The following TSPAN8 variants were observed in gnomAD, a reference collection of about 807,000 sequenced individuals.
The protein encoded by TSPAN8 is tetraspanin 8.
In TSPAN8, 21 loss-of-function variants were observed where a neutral mutation model predicts 32.8. The ratio of observed to expected loss-of-function variants is 0.64; its 90% confidence interval spans 0.45 to 0.92. The LOEUF (loss-of-function observed/expected upper bound fraction) is 0.92, where lower values mean the gene tolerates loss of function less well. Among genes scored for constraint, TSPAN8 ranks in the 40% least tolerant of loss-of-function variants. The pLI is 0.00. For synonymous variants in TSPAN8, 95 were observed against 94.6 expected (o/e 1.00, Z -0.03); for missense variants, 269 against 281.9 (o/e 0.95, Z 0.33).
At chr12:71,143,655 C>T (rs1359846394) in intron 3 of TSPAN8, among the ~76,000 whole-genome samples, 1 of 152,150 alleles carries the variant, frequency 6.6e-6, no homozygotes, top group Non-Finnish European at 1.5e-5. Context: ...TAACAAGTAC[C>T]CTTGTACCTT....
In TSPAN8 at chr12:71,126,614, C is replaced by T. The variant is rs189421653; in HGVS notation, c.661-1227G>A. 4.0e-4 allele frequency among the ~76,000 whole-genome samples: 61 copies of T among 152,116 alleles called. 1 individual carries two copies. Among genetic ancestry groups the T allele is most frequent in the Admixed American group, 3.0e-3 (46 of 15,268 alleles). On this transcript the variant is annotated intron_variant, in intron 8 of 8. Coordinates refer to ENST00000247829, the MANE Select transcript of TSPAN8 (RefSeq NM_004616.3). ...AAGAGATTTGTCATTTTATAATGTA[C>T]GCCAAGACTCATGATAAATTTGCTA...
chr12:71,144,875 T>C (rs1272231290), intron 2 of TSPAN8, among the ~76,000 whole-genome samples: 1 of 152,198 alleles, frequency 6.6e-6, no homozygotes, highest in Non-Finnish European at 1.5e-5. Flanking sequence ...TACCAGATTA[T>C]TTAATTTGGA....
intron 4 of TSPAN8, 141 bp downstream of exon 4, chr12:71,139,570 C>T (rs746672552): frequency 3.0e-5 from 36 of 1,189,810 alleles, no homozygotes; most frequent in Non-Finnish European, 4.2e-5. Context: ...GCCATATCAG[C>T]TTCCACAATC....
At chr12:71,145,995 A>G (rs2137057188) in intron 2 of TSPAN8, among the ~76,000 whole-genome samples, 1 of 152,268 alleles carries the variant, frequency 6.6e-6, no homozygotes, top group Admixed American at 6.5e-5. Flanking sequence ...GTGTATCACT[A>G]TTCACTTTTT....
intron 6 of TSPAN8, among the ~76,000 whole-genome samples, chr12:71,137,058 G>T (rs1209289240): frequency 6.6e-6 from 1 of 152,094 alleles, no homozygotes; most frequent in Non-Finnish European, 1.5e-5. Context: ...ATCACTTGAG[G>T]TCAGGAATTT....
intron 6 of TSPAN8, among the ~76,000 whole-genome samples, chr12:71,135,184 A>G (rs1258995339): frequency 6.7e-6 from 1 of 148,444 alleles, no homozygotes; most frequent in Non-Finnish European, 1.5e-5. Flanking sequence ...AGCATAGTGG[A>G]GATGGAGGAG....
At chr12:71,154,324 A>G (rs1382074488) in intron 2 of TSPAN8, among the ~76,000 whole-genome samples, 1 of 146,312 alleles carries the variant, frequency 6.8e-6, no homozygotes. Context: ...TAATAATAAT[A>G]ATAATAATAA....
chr12:71,150,246 C>T (rs1872209210), intron 2 of TSPAN8, among the ~76,000 whole-genome samples: 1 of 152,196 alleles, frequency 6.6e-6, no homozygotes, highest in African/African-American at 2.4e-5. Flanking sequence ...AACACAGACC[C>T]TTATCAGTAA....
intron 2 of TSPAN8, among the ~76,000 whole-genome samples, chr12:71,154,311 A>AAATAATAATAAT (rs58976021): frequency 2.9e-5 from 4 of 137,232 alleles, no homozygotes; most frequent in Non-Finnish European, 4.7e-5. Context: ...CTCTGTCTCA[A>AAATAATAATAAT]AATAATAATA....
intron 2 of TSPAN8, among the ~76,000 whole-genome samples, chr12:71,145,424 A>G (rs1324158115): frequency 6.6e-6 from 1 of 152,122 alleles, no homozygotes; most frequent in Non-Finnish European, 1.5e-5. Flanking sequence ...CAGCTCCTAC[A>G]AAATAACTAA....
intron 4 of TSPAN8, 143 bp downstream of exon 4, chr12:71,139,568 A>G (rs75998666): frequency 0.028 from 32,835 of 1,162,438 alleles, 643 homozygotes; most frequent in Admixed American, 0.038. Flanking sequence ...AAGCCATATC[A>G]GCTTCCACAA....
At chr12:71,125,586 T>G (rs904042988) in intron 8 of TSPAN8, among the ~76,000 whole-genome samples, 199 bp from the exon 9 acceptor site, 1 of 152,180 alleles carries the variant, frequency 6.6e-6, no homozygotes, top group South Asian at 2.1e-4. Flanking sequence ...GTTTTTTTTG[T>G]GTTTTAATCA....
intron 4 of TSPAN8, 125 bp from the exon 5 acceptor site, chr12:71,138,355 T>C: frequency 1.1e-6 from 1 of 934,622 alleles, no homozygotes; most frequent in South Asian, 1.9e-5. Flanking sequence ...GTCACACTCT[T>C]CATTTATTCC....
rs184851922 is a variant in TSPAN8, at chr12:71,147,491, A to G, written c.61-3278T>C. Among the ~76,000 whole-genome samples the G allele has an allele frequency of 1.2e-4, 19 of 152,324 alleles. No homozygotes were observed. The East Asian group carries it at 3.5e-3, about 28-fold the overall frequency. ...GCTCCTGAGAGGATAAAAAAGAATA[A>G]GAAAATATGCAAGTGGATAACTACA... is the stretch of plus-strand genomic sequence containing the variant. On this transcript the variant is annotated intron_variant, in intron 2 of 8. Transcript: ENST00000247829.
At chr12:71,137,604 C>CA (rs35204865) in intron 6 of TSPAN8, among the ~76,000 whole-genome samples, 2 of 151,240 alleles carry the variant, frequency 1.3e-5, no homozygotes, top group African/African-American at 4.9e-5. Flanking sequence ...TGTCCCCCCC[C>CA]AAAAAAAAGG....
Position 71,157,763 on chromosome 12 carries a change from C to T in TSPAN8, c.-85G>A. 9.8e-7 allele frequency: 1 copy of T among 1,022,734 alleles called. No homozygotes were observed. The highest frequency in any genetic ancestry group is 1.5e-6 in the Non-Finnish European group (1 of 654,680). The allele number at this position is 1,022,734 out of a possible 1,614,324, so 63.4% of individuals were successfully genotyped here. ...CTGCAATATGCTCTGGAGCAACTTG[C>T]CTGCAGAGATTTCTGTATCCACGGC... On this transcript the variant is annotated 5_prime_UTR_variant, in exon 2 of 9. Coordinates refer to ENST00000247829, the MANE Select transcript of TSPAN8 (RefSeq NM_004616.3).
At chr12:71,144,105 A>C (rs1871993500) in intron 3 of TSPAN8, 46 bp downstream of exon 3, 3 of 1,535,654 alleles carry the variant, frequency 2.0e-6, no homozygotes, top group Non-Finnish European at 1.8e-6. Flanking sequence ...ATTATAAATG[A>C]AATAAACTAC....
chr12:71,131,932 A>G (rs1421464196), intron 7 of TSPAN8, among the ~76,000 whole-genome samples: 1 of 151,990 alleles, frequency 6.6e-6, no homozygotes, highest in East Asian at 2.0e-4. Flanking sequence ...CTTGAGCATC[A>G]GCTCCATGAG....
At chr12:71,153,027 A>G (rs753137314) in intron 2 of TSPAN8, among the ~76,000 whole-genome samples, 4 of 152,090 alleles carry the variant, frequency 2.6e-5, no homozygotes, top group African/African-American at 4.8e-5. Flanking sequence ...GCTCCTCCCT[A>G]TGACTCATTT....
Sources: gnomAD v4.1 joint callset for allele counts (sites outside exome capture counted in the v4.1 genomes callset) on GRCh38, gnomAD v4.1.1 for gene constraint, MANE v1.5 for transcripts, NCBI Gene and HGNC (gene_info 2026-07-23, HGNC 2026-07-21) for gene names.